The following SMKR1 variants were observed in gnomAD, a reference collection of about 807,000 sequenced individuals.
The protein encoded by SMKR1 is small lysine-rich protein 1.
In SMKR1, 4 loss-of-function variants were observed where a neutral mutation model predicts 4.0. The observed-to-expected ratio is 1.00, with a 90% CI of 0.49 to 2.30. SMKR1 has a LOEUF of 2.30. SMKR1 is among the 30% of genes most tolerant of loss of function. The pLI is 0.02. For synonymous variants in SMKR1, 38 were observed against 32.5 expected, an observed-to-expected ratio of 1.17 and a Z score of -0.58; for missense variants, 56 against 81.8, an observed-to-expected ratio of 0.68 and a Z score of 1.22.
At chr7:129,510,448 C>T (rs1799514129) in intron 1 of SMKR1, among the ~76,000 whole-genome samples, 1 of 152,156 alleles carries the variant, frequency 6.6e-6, no homozygotes, top group South Asian at 2.1e-4. Context: ...AAGATGATGG[C>T]ACAGGCCGGG....
intron 1 of SMKR1, 144 bp downstream of exon 1, chr7:129,502,971 G>A (rs1799426747): frequency 8.2e-7 from 1 of 1,225,078 alleles, no homozygotes; most frequent in African/African-American, 1.6e-5. Context: ...GGGACAAGGG[G>A]TGCCCGGCGG....
chr7:129,502,596 C>T lies in SMKR1; in HGVS notation c.-229C>T. On this transcript the variant is annotated 5_prime_UTR_variant, in exon 1 of 2. Coordinates refer to ENST00000462322, the MANE Select transcript of SMKR1 (RefSeq NM_001195243.2). Reference sequence around the variant, plus strand: ...CCGCGTGGGGCAAGCAGGTGCCTCGCGTCCAGGCGGCTCCGCGGCTGGCTG... The same window carrying T: ...CCGCGTGGGGCAAGCAGGTGCCTCGTGTCCAGGCGGCTCCGCGGCTGGCTG... 1.9e-6 allele frequency: 1 copy of T among 525,642 alleles called. No individual in the cohort carries two copies. The allele number at this position is 525,642 out of a possible 1,614,324, so 32.6% of individuals were successfully genotyped here. A position where few individuals can be genotyped will look rare whatever the true frequency, so the allele number is the denominator to read the frequency against.
At chr7:129,506,537 A>G (rs749717126) in intron 1 of SMKR1, among the ~76,000 whole-genome samples, 13 of 152,276 alleles carry the variant, frequency 8.5e-5, no homozygotes, top group Non-Finnish European at 1.0e-4. Flanking sequence ...AAATACAGCC[A>G]TCACCCATTT....
In SMKR1 at chr7:129,512,268, A is replaced by G. The variant is rs2151028852; in HGVS notation, c.25A>G (p.Lys9Glu). Reference sequence around the variant, plus strand: ...AAAGCCAGCTAAAGGGAAAAAAGGAAAAGGCCAGGGCAAGTCTCATGGGAA... The same window carrying G: ...AAAGCCAGCTAAAGGGAAAAAAGGAGAAGGCCAGGGCAAGTCTCATGGGAA... MPAKGKKGKGQGKSHGKKQ... is the reference protein window; with the variant it reads MPAKGKKGEGQGKSHGKKQ... Residue 9 changes from lysine to glutamate, a missense_variant, in exon 2 of 2, where the codon AAA becomes GAA. Physicochemically the swap from Lys to Glu is moderately conservative, Grantham distance 56. Coordinates refer to ENST00000462322, the MANE Select transcript of SMKR1 (RefSeq NM_001195243.2). The G allele has an allele frequency of 1.3e-6, 2 of 1,514,526 alleles. No individual in the cohort carries two copies. Among genetic ancestry groups the G allele is most frequent in the African/African-American group, 1.4e-5 (1 of 71,536 alleles). 93.8% of individuals were successfully genotyped at this position (1,514,526 alleles called of 1,614,324 possible).
chr7:129,502,874 G>A, intron 1 of SMKR1, 47 bp downstream of exon 1: 1 of 1,534,080 alleles, frequency 6.5e-7, no homozygotes. Context: ...CGCGCGCCGT[G>A]GAGCCCCAGG....
intron 1 of SMKR1, among the ~76,000 whole-genome samples, chr7:129,503,183 C>T (rs1196063767): frequency 2.6e-5 from 4 of 151,746 alleles, no homozygotes; most frequent in African/African-American, 7.3e-5. Context: ...CGTAGCCACC[C>T]TGGGTGCCCG....
At chr7:129,510,136 G>A (rs906001800) in intron 1 of SMKR1, among the ~76,000 whole-genome samples, 2 of 152,182 alleles carry the variant, frequency 1.3e-5, no homozygotes, top group Non-Finnish European at 2.9e-5. Context: ...CCTTCTAGAA[G>A]AAAATATAGA....
chr7:129,509,254 A>C (rs892578810), intron 1 of SMKR1, among the ~76,000 whole-genome samples: 8 of 152,354 alleles, frequency 5.3e-5, no homozygotes, highest in African/African-American at 1.9e-4. Flanking sequence ...CAGAGGTTGC[A>C]GTGAGCCAAT....
intron 1 of SMKR1, among the ~76,000 whole-genome samples, chr7:129,509,438 TTC>T (rs1799503659): frequency 6.6e-6 from 1 of 152,186 alleles, no homozygotes; most frequent in South Asian, 2.1e-4. Flanking sequence ...TTCATGTGGA[TTC>T]TCTCAGAGAA....
intron 1 of SMKR1, among the ~76,000 whole-genome samples, chr7:129,504,009 G>A (rs1012906560): frequency 9.2e-5 from 14 of 151,952 alleles, no homozygotes; most frequent in South Asian, 4.1e-4. Flanking sequence ...TGTATTTTTA[G>A]TAGAGACAGG....
rs1799425182 is a variant in SMKR1, at chr7:129,502,888, T to C, written c.3+61T>C. ...GCGCGCGCCGTGGAGCCCCAGGCTG[T>C]CCCGGAGAGGCGCGGGCGCCGAGGT... On this transcript the variant is annotated intron_variant, in intron 1 of 1. Coordinates refer to ENST00000462322, the MANE Select transcript of SMKR1 (RefSeq NM_001195243.2). 8.5e-6 allele frequency: 13 copies of C among 1,531,808 alleles called. No individual in the cohort carries two copies. The South Asian group carries it at 1.4e-4, about 17-fold the overall frequency. 94.9% of individuals were successfully genotyped at this position (1,531,808 alleles called of 1,614,324 possible). A position where few individuals can be genotyped will look rare whatever the true frequency, so the allele number is the denominator to read the frequency against.
chr7:129,512,406 G>T lies in SMKR1; in HGVS notation c.163G>T (p.Gly55Cys). 3.9e-6 allele frequency: 6 copies of T among 1,535,588 alleles called. No homozygotes were observed. Among genetic ancestry groups the T allele is most frequent in the Non-Finnish European group, 5.2e-6 (6 of 1,146,790 alleles). Residue 55 changes from glycine to cysteine, a missense_variant, in exon 2 of 2, where the codon GGT (glycine) becomes TGT (cysteine). By Grantham distance (159) the Gly-to-Cys change is radical. Coordinates refer to ENST00000462322, the MANE Select transcript of SMKR1 (RefSeq NM_001195243.2). ...GCATCTGCGAGGCTTCCATTGGCCG[G>T]GTGCTCCCAAAGGAAAGAAAGGGAG... is the stretch of plus-strand genomic sequence containing the variant. The part of the protein sequence containing the change: ...CLHLRGFHWP[G>C]APKGKKGRSK
At chr7:129,511,566 G>T (rs1799526884) in intron 1 of SMKR1, among the ~76,000 whole-genome samples, 1 of 152,148 alleles carries the variant, frequency 6.6e-6, no homozygotes, top group Admixed American at 6.5e-5. Context: ...TCTTTTTGCA[G>T]CTTGTTCAAA....
chr7:129,506,304 T>C (rs1345308330), intron 1 of SMKR1, among the ~76,000 whole-genome samples: 5 of 152,026 alleles, frequency 3.3e-5, no homozygotes, highest in Non-Finnish European at 7.4e-5. Context: ...TAGTTGGACA[T>C]GGTGGTGCAA....
At position 129,512,637 on chromosome 7, in the gene SMKR1, T is replaced by C. The variant is rs748073954; in HGVS notation, c.*196T>C. Reference sequence around the variant, plus strand: ...TTATGCCAGATATGGTTAGCCACTTTGGTTTTTTAGGAGCTATAGGATGGG... The same window carrying C: ...TTATGCCAGATATGGTTAGCCACTTCGGTTTTTTAGGAGCTATAGGATGGG... On this transcript the variant is annotated 3_prime_UTR_variant, in exon 2 of 2. Transcript: ENST00000462322. 3.7e-5 allele frequency: 22 copies of C among 595,594 alleles called. No individual in the cohort carries two copies. In the South Asian group the frequency reaches 5.1e-4, roughly 14 times the overall value. 36.9% of individuals were successfully genotyped at this position (595,594 alleles called of 1,614,324 possible).
At chr7:129,502,954 AG>A in intron 1 of SMKR1, 127 bp downstream of exon 1, 1 of 1,361,924 alleles carries the variant, frequency 7.3e-7, no homozygotes, top group Admixed American at 2.3e-5. Flanking sequence ...CGTGGCGAAA[AG>A]ATGGAGGGAC....
Position 129,502,736 on chromosome 7 carries a change from CG to C in SMKR1, c.-86del. The C allele has an allele frequency of 6.6e-7, 1 of 1,525,786 alleles. No homozygotes were observed. Among genetic ancestry groups the C allele is most frequent in the Non-Finnish European group, 8.8e-7 (1 of 1,139,090 alleles). The allele number at this position is 1,525,786 out of a possible 1,614,324, so 94.5% of individuals were successfully genotyped here. On this transcript the variant is annotated 5_prime_UTR_variant, in exon 1 of 2. Transcript: ENST00000462322. ...GAAGGGGCCGGGGGTGCTAGGGGAA[CG>C]GGCGCTGGGGGCAGCGGCCCCGGTG... is the stretch of plus-strand genomic sequence containing the variant.
intron 1 of SMKR1, among the ~76,000 whole-genome samples, chr7:129,504,515 T>C (rs1213050717): frequency 2.0e-5 from 3 of 151,750 alleles, no homozygotes; most frequent in East Asian, 2.0e-4. Context: ...CCATGTGTTA[T>C]AGGCATTATA....
intron 1 of SMKR1, among the ~76,000 whole-genome samples, chr7:129,508,068 T>C (rs1344253781): frequency 6.6e-6 from 1 of 152,218 alleles, no homozygotes; most frequent in Admixed American, 6.5e-5. Flanking sequence ...ATCCAAGAAA[T>C]ATTTGCCTAA....
Sources: gnomAD v4.1 joint callset for allele counts (sites outside exome capture counted in the v4.1 genomes callset) on GRCh38, gnomAD v4.1.1 for gene constraint, MANE v1.5 for transcripts, NCBI Gene and HGNC (gene_info 2026-07-23, HGNC 2026-07-21) for gene names.